CEP83: variants seen among roughly 807,000 people sequenced by gnomAD.
CEP83 encodes the protein centrosomal protein of 83 kDa.
In CEP83, 70 loss-of-function variants were observed where a neutral mutation model predicts 101.9. That is an observed-to-expected ratio of 0.69 (90% CI 0.57 to 0.84). CEP83 has a LOEUF of 0.84. Ranked by LOEUF, CEP83 falls within the 40% of genes least tolerant of loss-of-function variation. CEP83 has a pLI of 0.00. For missense variants in CEP83, 715 were observed against 787.2 expected, an observed-to-expected ratio of 0.91 and a Z score of 1.10; for synonymous variants, 264 against 267.9, an observed-to-expected ratio of 0.99 and a Z score of 0.14.
At chr12:94,389,752 G>A (rs2062397123) in intron 6 of CEP83, among the ~76,000 whole-genome samples, 1 of 152,144 alleles carries the variant, frequency 6.6e-6, no homozygotes, top group Non-Finnish European at 1.5e-5. Flanking sequence ...GGAAAAACAG[G>A]ACACTCCTGC....
At chr12:94,453,241 T>C (rs910125019) in intron 1 of CEP83, among the ~76,000 whole-genome samples, 11 of 152,230 alleles carry the variant, frequency 7.2e-5, no homozygotes, top group Non-Finnish European at 1.3e-4. Context: ...GAACCTCATC[T>C]ATACCTGGTA....
intron 15 of CEP83, chr12:94,312,654 C>T (rs1359766041): frequency 3.0e-6 from 3 of 985,240 alleles, no homozygotes; most frequent in African/African-American, 1.7e-5. Flanking sequence ...ACTAACACCA[C>T]TCCTTGCTAC....
intron 6 of CEP83, among the ~76,000 whole-genome samples, chr12:94,395,786 G>A (rs528103945): frequency 2.5e-4 from 38 of 152,202 alleles, no homozygotes; most frequent in African/African-American, 8.7e-4. Flanking sequence ...GCGCCGCTGC[G>A]CTCCAGCCTG....
chr12:94,280,399 TG>T, the CEP83 span, among the ~76,000 whole-genome samples: 1 of 152,180 alleles, frequency 6.6e-6, no homozygotes, highest in African/African-American at 2.4e-5. Context: ...TTCCCCTTGA[TG>T]TACAGTTATA....
At chr12:94,422,698 A>C (rs1164487512) in intron 2 of CEP83, among the ~76,000 whole-genome samples, 1 of 152,232 alleles carries the variant, frequency 6.6e-6, no homozygotes, top group Non-Finnish European at 1.5e-5. Flanking sequence ...TATTAAAGTG[A>C]AATCATACAG....
At chr12:94,267,533 C>T in the CEP83 span, among the ~76,000 whole-genome samples, 1 of 152,120 alleles carries the variant, frequency 6.6e-6, no homozygotes, top group Admixed American at 6.5e-5. Flanking sequence ...CCACATAAAT[C>T]TTCCTTTTCA....
chr12:94,458,057 C>A (rs978079710), intron 1 of CEP83, among the ~76,000 whole-genome samples: 1 of 151,838 alleles, frequency 6.6e-6, no homozygotes, highest in Non-Finnish European at 1.5e-5. Context: ...ATTAGCAGGG[C>A]ATGGTGGCAT....
chr12:94,303,376 G>A (rs1295782498), downstream of CEP83, among the ~76,000 whole-genome samples: 1 of 152,218 alleles, frequency 6.6e-6, no homozygotes, highest in Non-Finnish European at 1.5e-5. Context: ...TCACTGGTGG[G>A]TGAGGATGAG....
chr12:94,428,488 ATTTTACTTCT>A (rs2065376492), intron 2 of CEP83, among the ~76,000 whole-genome samples: 1 of 152,232 alleles, frequency 6.6e-6, no homozygotes, highest in Non-Finnish European at 1.5e-5. Context: ...TCCTGATTTA[ATTTTACTTCT>A]ATGAGATTTA....
At chr12:94,331,636 T>A (rs1201978874) in intron 14 of CEP83, 64 bp downstream of exon 14, 1 of 1,487,692 alleles carries the variant, frequency 6.7e-7, no homozygotes, top group Non-Finnish European at 9.3e-7. Context: ...CCTCCCAAAG[T>A]GCTGGGATTA....
In CEP83 at chr12:94,459,547, G is replaced by A. The variant is rs542590830; in HGVS notation, c.-155+10C>T. On this transcript the variant is annotated intron_variant, in intron 1 of 16. Transcript: ENST00000397809. The stretch of plus-strand genomic sequence containing the variant: ...ACAAGACACCGTCCCCAGAAAGAGA[G>A]GTTACATACCAGACGCACGCACGCT... The A allele has an allele frequency of 6.6e-6, 1 of 152,548 alleles. No homozygotes were observed. The highest frequency in any genetic ancestry group is 1.5e-5 in the Non-Finnish European group (1 of 68,112). 9.4% of individuals were successfully genotyped at this position (152,548 alleles called of 1,614,324 possible). A position where few individuals can be genotyped will look rare whatever the true frequency, so the allele number is the denominator to read the frequency against.
At position 94,308,050 on chromosome 12, in the gene CEP83, C is replaced by A. The variant is rs1382707377; in HGVS notation, c.*763G>T. 6.6e-6 allele frequency: 1 copy of A among 152,032 alleles called. No homozygotes were observed. The allele number at this position is 152,032 out of a possible 1,614,324, so 9.4% of individuals were successfully genotyped here. A position where few individuals can be genotyped will look rare whatever the true frequency, so the allele number is the denominator to read the frequency against. ...AAAAATGAGAGCATACTTAGGGACA[C>A]AAAACACATAATTATTTGGTTAGAT... On this transcript the variant is annotated 3_prime_UTR_variant, in exon 17 of 17. Transcript: ENST00000397809.
chr12:94,447,731 C>T (rs2138506431), intron 1 of CEP83, among the ~76,000 whole-genome samples: 1 of 151,864 alleles, frequency 6.6e-6, no homozygotes, highest in South Asian at 2.1e-4. Flanking sequence ...ACAGATAACA[C>T]TGGAGGAAAG....
chr12:94,370,653 TA>T (rs150832873), intron 8 of CEP83, among the ~76,000 whole-genome samples: 3,950 of 152,258 alleles, frequency 0.026, 186 homozygotes, highest in African/African-American at 0.091. Context: ...GCTAGGATTA[TA>T]GTTGTAATCC....
intron 3 of CEP83, 21 bp downstream of exon 3, chr12:94,412,297 T>C: frequency 3.2e-6 from 5 of 1,572,458 alleles, no homozygotes; most frequent in Non-Finnish European, 4.3e-6. Flanking sequence ...CAAACCCCAC[T>C]TCTAGATTTA....
At chr12:94,291,047 T>A in the CEP83 span, among the ~76,000 whole-genome samples, 1 of 152,198 alleles carries the variant, frequency 6.6e-6, no homozygotes, top group Non-Finnish European at 1.5e-5. Context: ...ACTTCCTTGC[T>A]TGGGGATTTG....
At chr12:94,269,002 C>A in the CEP83 span, among the ~76,000 whole-genome samples, 3 of 152,054 alleles carry the variant, frequency 2.0e-5, no homozygotes, top group African/African-American at 7.2e-5. Flanking sequence ...TACGTTTTGT[C>A]AAGAGTGGAA....
intron 11 of CEP83, among the ~76,000 whole-genome samples, chr12:94,337,331 G>A (rs762052759): frequency 1.3e-5 from 2 of 152,280 alleles, no homozygotes. Flanking sequence ...TATAGAAGAT[G>A]ATATACAACA....
At chr12:94,297,208 C>A in the CEP83 span, 1 of 1,614,042 alleles carries the variant, frequency 6.2e-7, no homozygotes, top group East Asian at 2.2e-5. Context: ...ACTCGGATGA[C>A]CACTGCCATT....
Sources: gnomAD v4.1 joint callset for allele counts (sites outside exome capture counted in the v4.1 genomes callset) on GRCh38, gnomAD v4.1.1 for gene constraint, MANE v1.5 for transcripts, NCBI Gene and HGNC (gene_info 2026-07-23, HGNC 2026-07-21) for gene names.